The following EXOC4 variants were observed in gnomAD, a reference collection of about 807,000 sequenced individuals.
The protein encoded by EXOC4 is exocyst complex component 4.
Under a neutral mutation model 107.2 loss-of-function variants are expected in EXOC4, and 71 were observed. The ratio of observed to expected loss-of-function variants is 0.66; its 90% CI spans 0.55 to 0.81. The LOEUF is 0.81. EXOC4 is among the 30% of genes least tolerant of loss of function. The pLI is 0.00. For synonymous variants in EXOC4, 456 were observed against 441.2 expected (o/e 1.03, Z -0.42); for missense variants, 1,108 against 1,189.6 (o/e 0.93, Z 1.01).
intron 9 of EXOC4, among the ~76,000 whole-genome samples, chr7:133,485,149 TA>T (rs1185672727): frequency 6.4e-4 from 96 of 149,824 alleles, no homozygotes; most frequent in Middle Eastern, 3.4e-3. Context: ...AATAAATAAA[TA>T]AAAATTTAAA....
At chr7:133,529,528 G>T (rs1800141157) in intron 9 of EXOC4, among the ~76,000 whole-genome samples, 1 of 152,106 alleles carries the variant, frequency 6.6e-6, no homozygotes, top group African/African-American at 2.4e-5. Context: ...AAAGATATAA[G>T]AATTATTATC....
At chr7:133,627,172 A>G (rs1461499390) in intron 9 of EXOC4, among the ~76,000 whole-genome samples, 2 of 152,216 alleles carry the variant, frequency 1.3e-5, no homozygotes, top group African/African-American at 4.8e-5. Flanking sequence ...GTCACTGTTA[A>G]TGAAATTGTG....
At chr7:133,399,614 TAAGAGATGCACAC>T (rs1389936977) in intron 7 of EXOC4, among the ~76,000 whole-genome samples, 1 of 152,204 alleles carries the variant, frequency 6.6e-6, no homozygotes, top group Non-Finnish European at 1.5e-5. Flanking sequence ...GTAGTCACAG[TAAGAGATGCACAC>T]AAGATGTGCC....
At chr7:133,837,883 T>TAAATACAGTAGAGCAGGCTTTGC (rs1216729957) in intron 11 of EXOC4, among the ~76,000 whole-genome samples, 1 of 152,202 alleles carries the variant, frequency 6.6e-6, no homozygotes, top group Non-Finnish European at 1.5e-5. Flanking sequence ...ATATTGAATG[T>TAAATACAGTAGAGCAGGCTTTGC]AAATACAGTA....
intron 7 of EXOC4, among the ~76,000 whole-genome samples, chr7:133,439,168 A>G (rs546666935): frequency 2.0e-4 from 28 of 140,536 alleles, no homozygotes; most frequent in Non-Finnish European, 3.7e-4. Flanking sequence ...GAAATATACC[A>G]TATTTCATCA....
At chr7:133,714,357 C>A (rs544167240) in intron 10 of EXOC4, among the ~76,000 whole-genome samples, 4 of 152,102 alleles carry the variant, frequency 2.6e-5, no homozygotes, top group African/African-American at 9.7e-5. Context: ...ATTGTATGTT[C>A]AGGAATTTTA....
At chr7:134,029,508 A>G (rs144702634) in intron 17 of EXOC4, among the ~76,000 whole-genome samples, 1 of 147,714 alleles carries the variant, frequency 6.8e-6, no homozygotes, top group Non-Finnish European at 1.5e-5. Context: ...TGATTGATTG[A>G]TTGCTTTTAT....
intron 10 of EXOC4, among the ~76,000 whole-genome samples, chr7:133,637,263 T>C (rs1421492642): frequency 6.6e-6 from 1 of 152,228 alleles, no homozygotes; most frequent in African/African-American, 2.4e-5. Context: ...GTACTTATAA[T>C]ATCACATATT....
chr7:133,814,747 T>C (rs1797324893), intron 10 of EXOC4, among the ~76,000 whole-genome samples: 1 of 152,216 alleles, frequency 6.6e-6, no homozygotes, highest in African/African-American at 2.4e-5. Context: ...TATCTTAGTA[T>C]AGTTTACTTT....
chr7:133,859,410 T>C (rs754536701), intron 11 of EXOC4, among the ~76,000 whole-genome samples: 6 of 152,218 alleles, frequency 3.9e-5, no homozygotes, highest in Non-Finnish European at 8.8e-5. Flanking sequence ...TGGTTCCCGC[T>C]GGGCTTGAAA....
intron 10 of EXOC4, among the ~76,000 whole-genome samples, chr7:133,698,202 G>A (rs1453308123): frequency 1.3e-5 from 2 of 151,990 alleles, no homozygotes; most frequent in Non-Finnish European, 2.9e-5. Flanking sequence ...GTGCCTTTCC[G>A]CGGCGGGGGT....
At chr7:133,971,355 TATATATAGAG>T (rs1435989242) in intron 14 of EXOC4, among the ~76,000 whole-genome samples, 112 of 101,698 alleles carry the variant, frequency 1.1e-3, no homozygotes, top group Admixed American at 2.0e-3. Flanking sequence ...TATATATATA[TATATATAGAG>T]AGAGAGAGAG....
At chr7:133,258,628 C>T (rs1441832365) in intron 1 of EXOC4, among the ~76,000 whole-genome samples, 2 of 152,132 alleles carry the variant, frequency 1.3e-5, no homozygotes, top group African/African-American at 2.4e-5. Context: ...GATCTGTAGC[C>T]TCTTCTGTTA....
In EXOC4 at chr7:133,317,907, C is replaced by T. The variant is rs1173727638; in HGVS notation, c.763+517C>T. ...ATGTTGGCCAGGCTGGTCTCAAACT[C>T]CTGACCTCCCAAAGTGTTGGCATTA... On this transcript the variant is annotated intron_variant, in intron 5 of 17. Coordinates refer to ENST00000253861, the MANE Select transcript of EXOC4 (RefSeq NM_021807.4). Among the ~76,000 whole-genome samples, 5 of 152,170 alleles carry T rather than the reference C, an allele frequency of 3.3e-5. No homozygotes were observed. In the South Asian group the frequency reaches 6.2e-4, roughly 19 times the overall value.
intron 14 of EXOC4, among the ~76,000 whole-genome samples, chr7:133,971,361 T>TATATATATAGAG (rs1489958236): frequency 1.5e-3 from 109 of 75,032 alleles, no homozygotes; most frequent in Middle Eastern, 7.1e-3. Flanking sequence ...TATATATATA[T>TATATATATAGAG]AGAGAGAGAG....
chr7:133,634,269 G>A (rs1042188722), intron 10 of EXOC4, among the ~76,000 whole-genome samples: 1 of 152,000 alleles, frequency 6.6e-6, no homozygotes, highest in African/African-American at 2.4e-5. Context: ...CTTCTAATTT[G>A]TTCATTCCCC....
chr7:133,923,842 A>G (rs1170930042), intron 13 of EXOC4, among the ~76,000 whole-genome samples: 5 of 152,210 alleles, frequency 3.3e-5, no homozygotes, highest in African/African-American at 4.8e-5. Flanking sequence ...AGTCACAGAG[A>G]TGTTTTCTTC....
intron 5 of EXOC4, among the ~76,000 whole-genome samples, chr7:133,353,760 C>G (rs143271885): frequency 6.6e-6 from 1 of 152,074 alleles, no homozygotes; most frequent in East Asian, 1.9e-4. Context: ...TTTCAGAGCT[C>G]CCACAATGTC....
chr7:133,570,831 G>A (rs1000753979), intron 9 of EXOC4, among the ~76,000 whole-genome samples: 1 of 152,158 alleles, frequency 6.6e-6, no homozygotes, highest in African/African-American at 2.4e-5. Context: ...CCAGTTCTTA[G>A]GCTGATGTGT....
Sources: allele counts gnomAD v4.1 joint callset (sites outside exome capture counted in the v4.1 genomes callset), GRCh38; gene constraint gnomAD v4.1.1; transcripts MANE v1.5; gene names NCBI Gene and HGNC (gene_info 2026-07-23, HGNC 2026-07-21).